AGPAT2: variants seen among roughly 807,000 people sequenced by gnomAD.
AGPAT2 encodes the protein 1-acyl-sn-glycerol-3-phosphate acyltransferase beta.
A neutral mutation model predicts 26.1 loss-of-function variants in AGPAT2; 18 were observed. The ratio of observed to expected loss-of-function variants is 0.69; its 90% CI spans 0.48 to 1.02. AGPAT2 has a LOEUF of 1.02. Ranked by LOEUF, AGPAT2 falls within the 50% of genes least tolerant of loss-of-function variation. AGPAT2 has a pLI of 0.00. For synonymous variants in AGPAT2, 200 were observed against 174.2 expected (o/e 1.15, Z -1.16); for missense variants, 415 against 394.9 (o/e 1.05, Z -0.43).
At chr9:136,674,013 C>A in intron 5 of AGPAT2, 86 bp from the exon 6 acceptor site, 2 of 1,286,998 alleles carry the variant, frequency 1.6e-6, no homozygotes, top group Non-Finnish European at 2.0e-6. Flanking sequence ...TCTCCCCAGC[C>A]CCCCACAGCC....
At position 136,687,451 on chromosome 9, in the gene AGPAT2, C is replaced by A. The variant is rs1244455489; in HGVS notation, c.-94G>T. 3.8e-6 allele frequency: 4 copies of A among 1,059,206 alleles called. No individual in the cohort carries two copies. The highest frequency in any genetic ancestry group is 4.9e-6 in the Non-Finnish European group (4 of 815,680). 65.6% of individuals were successfully genotyped at this position (1,059,206 alleles called of 1,614,324 possible). On this transcript the variant is annotated 5_prime_UTR_variant, in exon 1 of 6. Transcript: ENST00000371696. ...CTCAGGCCCCTTATTGCGAGGGCGG[C>A]GGGGCTGGGCGGGGCGGGGCGCGGC... is the stretch of plus-strand genomic sequence containing the variant.
At position 136,673,526 on chromosome 9, in the gene AGPAT2, C is replaced by A. The variant is rs1325327116; in HGVS notation, c.*226G>T. ...TCCCAGAGGTGCCGTGGGCGCGAGT[C>A]CCTGCCCTCGAGCCCGGGGAGGGTC... On this transcript the variant is annotated 3_prime_UTR_variant, in exon 6 of 6. Transcript: ENST00000371696. 9.2e-6 allele frequency: 4 copies of A among 435,772 alleles called. No individual in the cohort carries two copies. The highest frequency in any genetic ancestry group is 1.6e-5 in the Non-Finnish European group (4 of 251,574). 27.0% of individuals were successfully genotyped at this position (435,772 alleles called of 1,614,324 possible).
rs886063722 is a variant in AGPAT2 at position 136,677,118 on chromosome 9, G to A, written c.335C>T (p.Pro112Leu). 1.6e-5 allele frequency: 26 copies of A among 1,613,068 alleles called. No individual in the cohort carries two copies. The highest frequency in any genetic ancestry group is 3.3e-5 in the Admixed American group (2 of 60,028). ...CTTGGCGATCTGCACGCAGCGCTCC[G>A]GAAGGACCTCCATGAGGCCTGGGAG... ...LDMMGLMEVL[P>L]ERCVQIAKRE... The change falls in exon 3 of 6, where the codon CCG becomes CTG. Residue 112 changes from proline to leucine, a missense_variant. Physicochemically the swap from Pro to Leu is moderately conservative, Grantham distance 98. Coordinates refer to ENST00000371696, the MANE Select transcript of AGPAT2 (RefSeq NM_006412.4).
At chr9:136,678,890 C>T (rs563208319) in intron 1 of AGPAT2, among the ~76,000 whole-genome samples, 141 of 152,076 alleles carry the variant, frequency 9.3e-4, no homozygotes, top group African/African-American at 3.3e-3. Context: ...CTAGCTGGGA[C>T]CACAGACGTG....
intron 1 of AGPAT2, among the ~76,000 whole-genome samples, chr9:136,678,915 G>A (rs1846126362): frequency 6.6e-6 from 1 of 152,038 alleles, no homozygotes. Context: ...ACCACACCTC[G>A]CTAGTTTTTG....
In AGPAT2 at chr9:136,678,697, C is replaced by T. The variant is rs915759252; in HGVS notation, c.183-1141G>A. ...AGGCCACAGAGCAGAGATTCAAAGCCGGGGCCTTCTCTCAAAGCCATACTG... is the reference window on the plus strand; with the variant it reads ...AGGCCACAGAGCAGAGATTCAAAGCTGGGGCCTTCTCTCAAAGCCATACTG... On this transcript the variant is annotated intron_variant, in intron 1 of 5. Transcript: ENST00000371696. 6.6e-5 allele frequency among the ~76,000 whole-genome samples: 10 copies of T among 152,130 alleles called. No individual in the cohort carries two copies. The South Asian group carries it at 2.1e-3, about 32-fold the overall frequency.
At chr9:136,681,384 G>A (rs999208566) in intron 1 of AGPAT2, among the ~76,000 whole-genome samples, 3 of 152,204 alleles carry the variant, frequency 2.0e-5, no homozygotes, top group African/African-American at 7.2e-5. Context: ...AGTTGAAGTT[G>A]ATGTCCTCAA....
chr9:136,673,927 C>T lies in AGPAT2; in HGVS notation c.662G>A (p.Gly221Glu). 6.4e-7 allele frequency: 1 copy of T among 1,561,340 alleles called. No homozygotes were observed. Among genetic ancestry groups the T allele is most frequent in the African/African-American group, 1.4e-5 (1 of 73,988 alleles). The change falls in exon 6 of 6, where the codon GGA (glycine) becomes GAA (glutamate). Residue 221 changes from glycine (G) to glutamate (E), a missense_variant and splice_region_variant. Gly to Glu is a moderately conservative substitution (Grantham distance 98). Transcript: ENST00000371696. ...YNTKKKFFTS[G>E]TVTVQVLEAI... is the part of the protein sequence containing the mutation. ...TTCCAGCACCTGCACTGTGACTGTT[C>T]CTGTGGGGGAAGCAACAGACCTCAG...
At chr9:136,676,760 C>A in intron 3 of AGPAT2, 80 bp from the exon 4 acceptor site, 2 of 1,419,510 alleles carry the variant, frequency 1.4e-6, no homozygotes, top group Non-Finnish European at 2.0e-6. Flanking sequence ...TCCTAAGAAG[C>A]CCCACTTCGC....
At chr9:136,681,852 C>T (rs1846165255) in intron 1 of AGPAT2, among the ~76,000 whole-genome samples, 1 of 152,106 alleles carries the variant, frequency 6.6e-6, no homozygotes. Context: ...GAACTAAGCC[C>T]TGCAGAGGCT....
chr9:136,677,084 C>T lies in AGPAT2; in HGVS notation c.369G>A (p.Leu123=), dbSNP rs771300589. 1.2e-6 allele frequency: 2 copies of T among 1,613,088 alleles called. No individual in the cohort carries two copies. The highest frequency in any genetic ancestry group is 1.7e-6 in the Non-Finnish European group (2 of 1,179,994). Reference sequence around the variant, plus strand: ...TGAGGCCCACGGGCCCCAGGAAGAGCAGCTCCCGCTTGGCGATCTGCACGC... The same window carrying T: ...TGAGGCCCACGGGCCCCAGGAAGAGTAGCTCCCGCTTGGCGATCTGCACGC... ...ERCVQIAKRE[L]LFLGPVGLIM... Residue 123 remains leucine, a synonymous_variant, in exon 3 of 6, where the codon CTG becomes CTA. Coordinates refer to ENST00000371696, the MANE Select transcript of AGPAT2 (RefSeq NM_006412.4).
At chr9:136,685,237 C>A (rs1460383265) in intron 1 of AGPAT2, among the ~76,000 whole-genome samples, 2 of 152,242 alleles carry the variant, frequency 1.3e-5, no homozygotes, top group Admixed American at 6.5e-5. Flanking sequence ...GGGTGCTGCC[C>A]TGGAGAGGTG....
chr9:136,673,927 C>A lies in AGPAT2; in HGVS notation c.662G>T (p.Gly221Val). 6.4e-7 allele frequency: 1 copy of A among 1,561,340 alleles called. No individual in the cohort carries two copies. Among genetic ancestry groups the A allele is most frequent in the Non-Finnish European group, 8.7e-7 (1 of 1,151,186 alleles). Reference sequence around the variant, plus strand: ...TTCCAGCACCTGCACTGTGACTGTTCCTGTGGGGGAAGCAACAGACCTCAG... The same window carrying A: ...TTCCAGCACCTGCACTGTGACTGTTACTGTGGGGGAAGCAACAGACCTCAG... Reference protein sequence around the residue: ...YNTKKKFFTSGTVTVQVLEAI... With the variant: ...YNTKKKFFTSVTVTVQVLEAI... Residue 221 changes from glycine (G) to valine (V), a missense_variant and splice_region_variant, in exon 6 of 6, where the codon GGA becomes GTA. By Grantham distance (109) the Gly-to-Val change is moderately radical. Coordinates refer to ENST00000371696, the MANE Select transcript of AGPAT2 (RefSeq NM_006412.4).
intron 1 of AGPAT2, among the ~76,000 whole-genome samples, chr9:136,679,819 G>C (rs1376797418): frequency 1.3e-5 from 2 of 152,206 alleles, no homozygotes; most frequent in Non-Finnish European, 2.9e-5. Context: ...GGAGTGAGGA[G>C]TCGCACAGAC....
rs1051343001 is a variant in AGPAT2, at chr9:136,673,774, G to C, written c.815C>G (p.Ser272Cys). The C allele has an allele frequency of 6.2e-7, 1 of 1,600,750 alleles. No homozygotes were observed. The highest frequency in any genetic ancestry group is 1.3e-5 in the African/African-American group (1 of 74,876). Residue 272 changes from serine (S) to cysteine (C), a missense_variant, in exon 6 of 6, where the codon TCT (serine) becomes TGT (cysteine). Transcript: ENST00000371696. ...TPQENGATAG[S>C]GVQPAQ ...GGGCTACTGGGCCGGCTGCACGCCA[G>C]ACCCCGCAGTGGCCCCGTTCTCCTG...
At chr9:136,678,003 C>T (rs1045288775) in intron 1 of AGPAT2, among the ~76,000 whole-genome samples, 4 of 152,206 alleles carry the variant, frequency 2.6e-5, no homozygotes, top group Non-Finnish European at 5.9e-5. Context: ...GGGAAGGTCA[C>T]TGGCCCCTCA....
intron 1 of AGPAT2, among the ~76,000 whole-genome samples, chr9:136,681,288 C>T (rs972487657): frequency 1.3e-5 from 2 of 152,164 alleles, no homozygotes; most frequent in Non-Finnish European, 1.5e-5. Context: ...GAGGCTGCCC[C>T]AGGCCAGCGG....
intron 1 of AGPAT2, 37 bp from the exon 2 acceptor site, chr9:136,677,593 A>AT: frequency 1.2e-6 from 2 of 1,612,206 alleles, no homozygotes; most frequent in East Asian, 4.5e-5. Flanking sequence ...GGTCCCACAG[A>AT]TCCCGCAGCC....
chr9:136,684,059 C>T (rs570357640), intron 1 of AGPAT2, among the ~76,000 whole-genome samples: 6 of 152,194 alleles, frequency 3.9e-5, no homozygotes, highest in South Asian at 4.1e-4. Context: ...ACCAGCAGAG[C>T]GTGGGGTTCA....
Sources: allele counts gnomAD v4.1 joint callset (sites outside exome capture counted in the v4.1 genomes callset), GRCh38; gene constraint gnomAD v4.1.1; transcripts MANE v1.5; gene names NCBI Gene and HGNC (gene_info 2026-07-23, HGNC 2026-07-21).